LPP: variants seen among roughly 807,000 people sequenced by gnomAD.
The protein encoded by LPP is lipoma-preferred partner.
In LPP, 38 loss-of-function variants were observed where a neutral mutation model predicts 60.4. The observed-to-expected ratio is 0.63, with a 90% CI of 0.49 to 0.83. The LOEUF (loss-of-function observed/expected upper bound fraction) is 0.83, where lower values mean the gene tolerates loss of function less well. Ranked by LOEUF, LPP falls within the 40% of genes least tolerant of loss-of-function variation. LPP has a pLI of 0.00. For synonymous variants in LPP, 328 were observed against 290.8 expected, an observed-to-expected ratio of 1.13 and a Z score of -1.30; for missense variants, 902 against 783.6, an observed-to-expected ratio of 1.15 and a Z score of -1.80.
chr3:188,619,091 C>T (rs1296514049), intron 7 of LPP, among the ~76,000 whole-genome samples: 1 of 152,112 alleles, frequency 6.6e-6, no homozygotes, highest in Non-Finnish European at 1.5e-5. Flanking sequence ...GTGGTGCAAT[C>T]TGGGCTCACT....
At chr3:188,691,236 A>T (rs1446669848) in intron 7 of LPP, among the ~76,000 whole-genome samples, 1 of 152,216 alleles carries the variant, frequency 6.6e-6, no homozygotes, top group Non-Finnish European at 1.5e-5. Flanking sequence ...AAGGGATAAC[A>T]AATAGGTACT....
At position 188,326,847 on chromosome 3, in the gene LPP, G is replaced by T. The variant is rs145153630; in HGVS notation, c.-66-14816G>T. Among the ~76,000 whole-genome samples, 102 of 152,032 alleles carry T rather than the reference G, an allele frequency of 6.7e-4. 2 individuals carry two copies. In the East Asian group the frequency reaches 0.019, roughly 28 times the overall value. On this transcript the variant is annotated intron_variant, in intron 2 of 11. Coordinates refer to ENST00000617246, the MANE Select transcript of LPP (RefSeq NM_001375462.1). ...GTATTCTATTCTTAGTATTGTGAGG[G>T]CATTCTTTTTTCTTTGGGTCTGACC...
chr3:188,853,391 GGA>G (rs538925245), intron 9 of LPP, among the ~76,000 whole-genome samples: 262 of 152,328 alleles, frequency 1.7e-3, no homozygotes, highest in Non-Finnish European at 2.5e-3. Flanking sequence ...GAACAGAAGA[GGA>G]GAGTGATTAA....
intron 1 of LPP, among the ~76,000 whole-genome samples, chr3:188,223,200 G>A (rs1450099342): frequency 6.6e-6 from 1 of 152,126 alleles, no homozygotes; most frequent in Admixed American, 6.5e-5. Context: ...AATTTCTGGT[G>A]AGCTGCGTGA....
chr3:188,760,419 T>TGTGTGG, intron 9 of LPP, 137 bp downstream of exon 9: 1 of 702,060 alleles, frequency 1.4e-6, no homozygotes, highest in Admixed American at 2.8e-5. Flanking sequence ...GGTGTGTGTG[T>TGTGTGG]GTGTGTGTGT....
chr3:188,747,402 AAAG>A (rs1312440112), intron 8 of LPP, among the ~76,000 whole-genome samples: 2 of 152,246 alleles, frequency 1.3e-5, no homozygotes, highest in East Asian at 3.8e-4. Flanking sequence ...TGGAGGTAGC[AAAG>A]AAGGATGACT....
chr3:188,181,803 C>G (rs956253082), intron 1 of LPP, among the ~76,000 whole-genome samples: 2 of 152,172 alleles, frequency 1.3e-5, no homozygotes, highest in African/African-American at 4.8e-5. Flanking sequence ...CTCACTGCAG[C>G]CTTGGAAATC....
rs148947640 is a variant in LPP at position 188,270,302 on chromosome 3, G to GAC, written c.-67+44791_-67+44792dup. Among the ~76,000 whole-genome samples the GAC allele has an allele frequency of 5.2e-3, 789 of 150,330 alleles. 3 individuals are homozygous for GAC. The highest frequency in any genetic ancestry group is 8.3e-3 in the Admixed American group (126 of 15,096). On this transcript the variant is annotated intron_variant, in intron 2 of 11. Coordinates refer to ENST00000617246, the MANE Select transcript of LPP (RefSeq NM_001375462.1). ...CCAAACACACAGACGTGTGTGTGTG[G>GAC]ACACACACACACACACAAACAATTC...
chr3:188,457,009 A>G (rs933997365), intron 4 of LPP, among the ~76,000 whole-genome samples: 8 of 152,236 alleles, frequency 5.3e-5, no homozygotes, highest in African/African-American at 1.9e-4. Context: ...TATCCAAAGC[A>G]GAAATTTATG....
Position 188,420,086 on chromosome 3 carries a change from A to T in LPP, c.193+13773A>T, listed in dbSNP as rs947320416. On this transcript the variant is annotated intron_variant, in intron 4 of 11. Coordinates refer to ENST00000617246, the MANE Select transcript of LPP (RefSeq NM_001375462.1). The stretch of plus-strand genomic sequence containing the variant: ...GAGGGTTCTATCCATAGTTTTTTTT[A>T]AAAAATTCTGATTATAAAATTTTAA... Among the ~76,000 whole-genome samples, 26 of 152,114 alleles carry T rather than the reference A, an allele frequency of 1.7e-4. No homozygotes were observed. The East Asian group carries it at 3.5e-3, about 20-fold the overall frequency.
chr3:188,528,461 C>T (rs1268986998), intron 6 of LPP, among the ~76,000 whole-genome samples: 2 of 151,822 alleles, frequency 1.3e-5, no homozygotes, highest in Non-Finnish European at 2.9e-5. Context: ...AACCTTTATT[C>T]TTGAAGGTTG....
intron 4 of LPP, among the ~76,000 whole-genome samples, chr3:188,428,596 A>ATATATATAT: frequency 7.0e-6 from 1 of 142,692 alleles, no homozygotes; most frequent in African/African-American, 2.6e-5. Flanking sequence ...ATATATATAT[A>ATATATATAT]TTTTTTTTTT....
chr3:188,237,250 C>T (rs573265256), intron 2 of LPP, among the ~76,000 whole-genome samples: 4 of 152,312 alleles, frequency 2.6e-5, no homozygotes, highest in Non-Finnish European at 4.4e-5. Context: ...TTCTAGTTCT[C>T]TTGCTATTTT....
At chr3:188,466,189 C>A (rs529494834) in intron 4 of LPP, among the ~76,000 whole-genome samples, 2 of 152,072 alleles carry the variant, frequency 1.3e-5, no homozygotes, top group Non-Finnish European at 2.9e-5. Flanking sequence ...ATTTTCAACA[C>A]GGCAGTGAGA....
At chr3:188,537,738 ATT>A (rs879731429) in intron 6 of LPP, among the ~76,000 whole-genome samples, 1 of 152,204 alleles carries the variant, frequency 6.6e-6, no homozygotes, top group Non-Finnish European at 1.5e-5. Flanking sequence ...CTTTGTAAGA[ATT>A]GACAAACATC....
intron 6 of LPP, among the ~76,000 whole-genome samples, chr3:188,566,081 A>C (rs1485212038): frequency 6.6e-6 from 1 of 152,002 alleles, no homozygotes; most frequent in Non-Finnish European, 1.5e-5. Context: ...AAGGATTAAC[A>C]AGATTTAACT....
chr3:188,857,182 G>A (rs1764049096), intron 9 of LPP, among the ~76,000 whole-genome samples: 1 of 152,154 alleles, frequency 6.6e-6, no homozygotes, highest in South Asian at 2.1e-4. Context: ...TAGTATGTGA[G>A]GTGAGACAGT....
At chr3:188,172,148 T>C (rs561388439) in intron 1 of LPP, among the ~76,000 whole-genome samples, 42 of 152,334 alleles carry the variant, frequency 2.8e-4, no homozygotes, top group Admixed American at 2.5e-3. Flanking sequence ...TTCTTTTGTA[T>C]TAAACAAACT....
chr3:188,639,841 T>A (rs1849676042), intron 7 of LPP, among the ~76,000 whole-genome samples: 1 of 152,214 alleles, frequency 6.6e-6, no homozygotes, highest in African/African-American at 2.4e-5. Context: ...CCAGTTGGAA[T>A]GGCAATCATT....
Sources: allele counts gnomAD v4.1 joint callset (sites outside exome capture counted in the v4.1 genomes callset), GRCh38; gene constraint gnomAD v4.1.1; transcripts MANE v1.5; gene names NCBI Gene and HGNC (gene_info 2026-07-23, HGNC 2026-07-21).